WASF1: variants seen among roughly 807,000 people sequenced by gnomAD.
The protein encoded by WASF1 is actin-binding protein WASF1.
A neutral mutation model predicts 50.5 loss-of-function variants in WASF1; 7 were observed. That is an observed-to-expected ratio of 0.14 (90% CI 0.08 to 0.26). The LOEUF is 0.26. WASF1 is among the 10% of genes least tolerant of loss of function. The pLI, the probability that WASF1 is intolerant of heterozygous loss-of-function variation, is 1.00. For missense variants in WASF1, 470 were observed against 694.7 expected, an observed-to-expected ratio of 0.68 and a Z score of 3.64; for synonymous variants, 205 against 244.0, an observed-to-expected ratio of 0.84 and a Z score of 1.49.
At chr6:110,133,980 T>A (rs1396941546) in intron 3 of WASF1, among the ~76,000 whole-genome samples, 1 of 152,212 alleles carries the variant, frequency 6.6e-6, no homozygotes, top group East Asian at 1.9e-4. Context: ...CTTCTAGAAT[T>A]TTGTCTTGTT....
chr6:110,128,090 G>A (rs965818904), intron 3 of WASF1, among the ~76,000 whole-genome samples: 1 of 151,950 alleles, frequency 6.6e-6, no homozygotes, highest in Non-Finnish European at 1.5e-5. Flanking sequence ...GCAATGCAGA[G>A]GGTTGGTGCC....
chr6:110,104,131 G>A (rs752362814), intron 8 of WASF1, among the ~76,000 whole-genome samples: 94 of 152,010 alleles, frequency 6.2e-4, no homozygotes, highest in Non-Finnish European at 1.3e-3. Flanking sequence ...GAAAATAGCT[G>A]AGTAACATAG....
rs547743046 is a variant in WASF1 at position 110,178,109 on chromosome 6, G to A, written c.-127+489C>T. Among the ~76,000 whole-genome samples the A allele has an allele frequency of 2.0e-5, 3 of 151,772 alleles. No individual in the cohort carries two copies. In the East Asian group the frequency reaches 5.8e-4, roughly 29 times the overall value. On this transcript the variant is annotated intron_variant, in intron 2 of 10. Coordinates refer to ENST00000392589, the MANE Select transcript of WASF1 (RefSeq NM_003931.3). ...ATAAAAAATAAAATCAGATAAATTA[G>A]GGAATGACTGATATGATGGTTAAAA... is the stretch of plus-strand genomic sequence containing the variant.
At chr6:110,169,762 G>C (rs924620845) in intron 2 of WASF1, among the ~76,000 whole-genome samples, 2 of 152,122 alleles carry the variant, frequency 1.3e-5, no homozygotes, top group African/African-American at 4.8e-5. Context: ...TTAAAACTTA[G>C]TTTCCACCAC....
At chr6:110,146,935 G>C (rs891786730) in intron 3 of WASF1, among the ~76,000 whole-genome samples, 1 of 152,110 alleles carries the variant, frequency 6.6e-6, no homozygotes, top group Non-Finnish European at 1.5e-5. Flanking sequence ...CAGGACTAAA[G>C]AACTAGTCAT....
At chr6:110,134,422 C>CCT (rs749897488) in intron 3 of WASF1, among the ~76,000 whole-genome samples, 1 of 144,930 alleles carries the variant, frequency 6.9e-6, no homozygotes, top group Non-Finnish European at 1.5e-5. Flanking sequence ...TCTATGTGCC[C>CCT]TTTTTTTTTT....
intron 2 of WASF1, among the ~76,000 whole-genome samples, chr6:110,163,217 A>C (rs1015071079): frequency 6.6e-6 from 1 of 151,716 alleles, no homozygotes; most frequent in East Asian, 1.9e-4. Flanking sequence ...CTGACGAAAG[A>C]AATCAAAAAA....
chr6:110,177,065 T>C (rs1240984114), intron 2 of WASF1: 1 of 152,046 alleles, frequency 6.6e-6, no homozygotes, highest in African/African-American at 2.4e-5. Context: ...TATAATTAAA[T>C]ATAGTCTTAT....
intron 2 of WASF1, among the ~76,000 whole-genome samples, chr6:110,178,267 TC>T (rs1777020715): frequency 6.6e-6 from 1 of 152,150 alleles, no homozygotes; most frequent in Non-Finnish European, 1.5e-5. Context: ...AATACTTCAT[TC>T]AAATATTCAA....
chr6:110,162,388 G>C (rs561993061), intron 2 of WASF1, among the ~76,000 whole-genome samples: 1 of 143,972 alleles, frequency 6.9e-6, no homozygotes, highest in South Asian at 2.2e-4. Context: ...GACAGAAGCA[G>C]ACTTATTCTA....
At chr6:110,125,094 A>G (rs969492985) in intron 4 of WASF1, among the ~76,000 whole-genome samples, 1 of 152,232 alleles carries the variant, frequency 6.6e-6, no homozygotes, top group Non-Finnish European at 1.5e-5. Flanking sequence ...AAGTTTTCTA[A>G]GTAATTCAGA....
chr6:110,114,198 T>C (rs373777543), intron 4 of WASF1, among the ~76,000 whole-genome samples: 16 of 152,334 alleles, frequency 1.1e-4, no homozygotes, highest in African/African-American at 3.6e-4. Flanking sequence ...ATGGTTCTTG[T>C]GTATTTTCCA....
chr6:110,124,270 CTCTCTATATATA>C (rs1214681154), intron 4 of WASF1, among the ~76,000 whole-genome samples: 22 of 52,466 alleles, frequency 4.2e-4, no homozygotes, highest in Non-Finnish European at 5.4e-4. Flanking sequence ...CTCTCTCTCT[CTCTCTATATATA>C]TATATATATA....
chr6:110,133,342 T>C (rs924132699), intron 3 of WASF1, among the ~76,000 whole-genome samples: 1 of 151,730 alleles, frequency 6.6e-6, no homozygotes, highest in Non-Finnish European at 1.5e-5. Flanking sequence ...GACTTCTTTG[T>C]ACAATGACTT....
intron 2 of WASF1, among the ~76,000 whole-genome samples, chr6:110,176,419 T>C (rs1776932293): frequency 6.6e-6 from 1 of 152,016 alleles, no homozygotes; most frequent in Non-Finnish European, 1.5e-5. Flanking sequence ...ACTACTAACA[T>C]ATACATTATT....
intron 3 of WASF1, among the ~76,000 whole-genome samples, chr6:110,136,181 G>C (rs1023303142): frequency 6.6e-6 from 1 of 152,068 alleles, no homozygotes; most frequent in Non-Finnish European, 1.5e-5. Context: ...ACTGCGCCCA[G>C]CCAAAATGGT....
chr6:110,128,325 A>C (rs1204708599), intron 3 of WASF1, among the ~76,000 whole-genome samples: 1 of 152,166 alleles, frequency 6.6e-6, no homozygotes, highest in Non-Finnish European at 1.5e-5. Context: ...TATTTACTAT[A>C]ATAGGGATTT....
chr6:110,144,562 G>A (rs1200952347), intron 3 of WASF1, among the ~76,000 whole-genome samples: 1 of 152,170 alleles, frequency 6.6e-6, no homozygotes, highest in African/African-American at 2.4e-5. Context: ...GAATGGATAT[G>A]CCTAGGTTTT....
intron 4 of WASF1, among the ~76,000 whole-genome samples, chr6:110,126,704 T>C (rs1774433937): frequency 6.6e-6 from 1 of 152,224 alleles, no homozygotes; most frequent in Non-Finnish European, 1.5e-5. Flanking sequence ...ATGAAAAAGC[T>C]AATCCTTCAA....
Sources: gnomAD v4.1 joint callset for allele counts (sites outside exome capture counted in the v4.1 genomes callset) on GRCh38, gnomAD v4.1.1 for gene constraint, MANE v1.5 for transcripts, NCBI Gene and HGNC (gene_info 2026-07-23, HGNC 2026-07-21) for gene names.